The following PBX1 variants were observed in gnomAD, a reference collection of about 807,000 sequenced individuals.
The protein encoded by PBX1 is PBX homeobox 1.
A neutral mutation model predicts 53.4 loss-of-function variants in PBX1; 6 were observed. The ratio of observed to expected loss-of-function variants is 0.11; its 90% CI spans 0.06 to 0.22. PBX1 has a LOEUF of 0.22. Among genes scored for constraint, PBX1 ranks in the 10% least tolerant of loss-of-function variants. PBX1 has a pLI of 1.00. For missense variants in PBX1, 251 were observed against 551.4 expected (o/e 0.46, Z 5.46); for synonymous variants, 204 against 212.3 (o/e 0.96, Z 0.34).
chr1:164,679,389 G>A lies in PBX1; in HGVS notation c.266-113105G>A, dbSNP rs1661619338. 3.3e-5 allele frequency among the ~76,000 whole-genome samples: 5 copies of A among 152,310 alleles called. No individual in the cohort carries two copies. The South Asian group carries it at 1.0e-3, about 32-fold the overall frequency. On this transcript the variant is annotated intron_variant, in intron 2 of 8. Coordinates refer to ENST00000420696, the MANE Select transcript of PBX1 (RefSeq NM_002585.4). ...TCACAGTGGGAGCAGTCTACTGGGT[G>A]GGAGGGGTGCTGTCAGGTCTTGGGG...
chr1:164,703,324 C>G (rs1663241549), intron 2 of PBX1: 1 of 152,198 alleles, frequency 6.6e-6, no homozygotes, highest in African/African-American at 2.4e-5. Context: ...CTACAAAAAT[C>G]TGTTCTTATC....
chr1:164,812,707 G>A (rs1669675346), intron 6 of PBX1: 1 of 151,928 alleles, frequency 6.6e-6, no homozygotes, highest in Non-Finnish European at 1.5e-5. Context: ...TTTTTTGTTG[G>A]TCTTCTTTAT....
At chr1:164,811,968 A>T in intron 5 of PBX1, 22 bp from the exon 6 acceptor site, 1 of 1,593,134 alleles carries the variant, frequency 6.3e-7, no homozygotes, top group Non-Finnish European at 8.6e-7. Context: ...GAACTTTCTC[A>T]TCTTCTCTTA....
chr1:164,731,919 G>C (rs1665010661), intron 2 of PBX1, among the ~76,000 whole-genome samples: 1 of 152,142 alleles, frequency 6.6e-6, no homozygotes, highest in African/African-American at 2.4e-5. Flanking sequence ...TCACCAGTGG[G>C]ATGGGAGTTC....
Position 164,598,683 on chromosome 1 carries a change from C to T in PBX1, c.265+35372C>T, listed in dbSNP as rs559397681. On this transcript the variant is annotated intron_variant, in intron 2 of 8. Transcript: ENST00000420696. ...TATCCTTTCTGAGCAACAAGCACCA[C>T]CCTTTCCAATGACACTCTGCCTTTT... 5.3e-5 allele frequency among the ~76,000 whole-genome samples: 8 copies of T among 152,354 alleles called. No homozygotes were observed. The East Asian group carries it at 1.5e-3, about 29-fold the overall frequency.
intron 2 of PBX1, among the ~76,000 whole-genome samples, chr1:164,737,900 C>A (rs563554432): frequency 2.6e-5 from 4 of 152,166 alleles, no homozygotes; most frequent in South Asian, 4.1e-4. Flanking sequence ...CCACCTCCCC[C>A]CAACCGGTGC....
At chr1:164,666,683 G>A (rs1232730653) in intron 2 of PBX1, among the ~76,000 whole-genome samples, 1 of 152,200 alleles carries the variant, frequency 6.6e-6, no homozygotes, top group Non-Finnish European at 1.5e-5. Context: ...TGAAGCAAAT[G>A]TGGAGGATGA....
chr1:164,761,729 C>T (rs1666826968), intron 2 of PBX1, among the ~76,000 whole-genome samples: 1 of 152,194 alleles, frequency 6.6e-6, no homozygotes, highest in African/African-American at 2.4e-5. Context: ...AGGCGTGAGC[C>T]ACCGCGCCCG....
chr1:164,753,277 G>T (rs1030054936), intron 2 of PBX1, among the ~76,000 whole-genome samples: 5 of 152,178 alleles, frequency 3.3e-5, no homozygotes, highest in Admixed American at 6.5e-5. Flanking sequence ...GTTTTAGGTG[G>T]TGTAACTAAA....
intron 2 of PBX1, among the ~76,000 whole-genome samples, chr1:164,660,104 T>TGAG (rs1571168271): frequency 1.3e-5 from 2 of 151,852 alleles, no homozygotes; most frequent in East Asian, 3.9e-4. Context: ...CAAAGGAAAA[T>TGAG]GAGGAGGGGT....
chr1:164,849,463 A>G lies in PBX1; in HGVS notation c.*2787A>G, dbSNP rs1218548873. The stretch of plus-strand genomic sequence containing the variant: ...AGAGCAGCAGGATGGGTTTGGAAAG[A>G]GCATGCCTCTGGAAACACAGCTTCC... On this transcript the variant is annotated 3_prime_UTR_variant, in exon 9 of 9. Transcript: ENST00000420696. 1 of 1,534,342 alleles carries G rather than the reference A, an allele frequency of 6.5e-7. No homozygotes were observed. Among genetic ancestry groups the G allele is most frequent in the African/African-American group, 1.4e-5 (1 of 73,014 alleles).
intron 2 of PBX1, among the ~76,000 whole-genome samples, chr1:164,701,456 AC>A (rs1447519743): frequency 6.6e-6 from 1 of 152,108 alleles, no homozygotes; most frequent in Non-Finnish European, 1.5e-5. Context: ...TTCCAAGAAT[AC>A]CCCTGCGGGT....
At chr1:164,644,540 A>T (rs2101907168) in intron 2 of PBX1, among the ~76,000 whole-genome samples, 1 of 151,988 alleles carries the variant, frequency 6.6e-6, no homozygotes, top group Non-Finnish European at 1.5e-5. Flanking sequence ...ACAATTCCTA[A>T]ATCTAAAACG....
intron 2 of PBX1, among the ~76,000 whole-genome samples, chr1:164,661,424 G>A (rs1014114666): frequency 1.6e-5 from 2 of 127,990 alleles, no homozygotes; most frequent in African/African-American, 5.9e-5. Context: ...CTGTAAGCCA[G>A]TTTTTTTTTT....
intron 2 of PBX1, among the ~76,000 whole-genome samples, chr1:164,782,202 G>T (rs1038692172): frequency 6.6e-6 from 1 of 152,206 alleles, no homozygotes; most frequent in Non-Finnish European, 1.5e-5. Context: ...TGGGCCGGGG[G>T]ATGGGGGAGC....
At chr1:164,650,994 G>GT (rs1171500564) in intron 2 of PBX1, among the ~76,000 whole-genome samples, 6 of 151,554 alleles carry the variant, frequency 4.0e-5, no homozygotes, top group Admixed American at 2.6e-4. Context: ...ACCTTAAGAG[G>GT]TGAGGGGAAA....
In PBX1 at chr1:164,688,132, T is replaced by C. The variant is rs1006505989; in HGVS notation, c.266-104362T>C. Among the ~76,000 whole-genome samples the C allele has an allele frequency of 2.6e-5, 4 of 152,322 alleles. No individual in the cohort carries two copies. In the East Asian group the frequency reaches 7.7e-4, roughly 29 times the overall value. ...CTCATGTCAAGGACCATGCATCTCA[T>C]GCTATCTTTTCATCGTCATTTTCTC... is the stretch of plus-strand genomic sequence containing the variant. On this transcript the variant is annotated intron_variant, in intron 2 of 8. Transcript: ENST00000420696.
At chr1:164,755,822 A>G (rs939902226) in intron 2 of PBX1, among the ~76,000 whole-genome samples, 1 of 151,892 alleles carries the variant, frequency 6.6e-6, no homozygotes, top group Middle Eastern at 3.2e-3. Context: ...TCTGGAAAAT[A>G]TTATTACCCC....
intron 2 of PBX1, among the ~76,000 whole-genome samples, chr1:164,638,032 G>T (rs556033553): frequency 6.6e-6 from 1 of 152,182 alleles, no homozygotes; most frequent in Admixed American, 6.5e-5. Context: ...TATTGAGGGG[G>T]TCTATTAATG....
Sources: gnomAD v4.1 joint callset for allele counts (sites outside exome capture counted in the v4.1 genomes callset) on GRCh38, gnomAD v4.1.1 for gene constraint, MANE v1.5 for transcripts, NCBI Gene and HGNC (gene_info 2026-07-23, HGNC 2026-07-21) for gene names.